Variants in TTLL5 observed in about 807,000 individuals in gnomAD.
The protein encoded by TTLL5 is tubulin tyrosine ligase like 5, also known as tubulin polyglutamylase TTLL5.
A neutral mutation model predicts 168.4 loss-of-function variants in TTLL5; 132 were observed. The observed-to-expected ratio is 0.78, with a 90% CI of 0.68 to 0.91. The LOEUF (loss-of-function observed/expected upper bound fraction) is 0.91. Ranked by LOEUF, TTLL5 falls within the 40% of genes least tolerant of loss-of-function variation. The probability of loss-of-function intolerance (pLI) is 0.00; values close to 1 mark genes in which losing one functional copy is unlikely to be tolerated. For synonymous variants in TTLL5, 546 were observed against 558.6 expected (o/e 0.98, Z 0.32); for missense variants, 1,545 against 1,581.5 (o/e 0.98, Z 0.39).
intron 3 of TTLL5, among the ~76,000 whole-genome samples, chr14:75,670,007 G>A (rs2140092133): frequency 6.6e-6 from 1 of 152,194 alleles, no homozygotes; most frequent in Non-Finnish European, 1.5e-5. Flanking sequence ...GGAGTCATGT[G>A]ATATGTGACC....
chr14:75,750,956 C>A (rs1026858607), intron 17 of TTLL5, among the ~76,000 whole-genome samples: 1 of 152,234 alleles, frequency 6.6e-6, no homozygotes, highest in East Asian at 1.9e-4. Context: ...GTGAGGTGAA[C>A]GCCATAGGCA....
intron 6 of TTLL5, among the ~76,000 whole-genome samples, chr14:75,694,187 T>C (rs1885659933): frequency 6.6e-6 from 1 of 152,228 alleles, no homozygotes; most frequent in Non-Finnish European, 1.5e-5. Flanking sequence ...TCTTGCTTCC[T>C]ACCCACACAT....
chr14:75,892,341 G>A (rs552099761), intron 30 of TTLL5, among the ~76,000 whole-genome samples: 16 of 152,302 alleles, frequency 1.1e-4, no homozygotes, highest in South Asian at 4.1e-4. Context: ...CAAAATAAAC[G>A]AGAATCAATG....
intron 28 of TTLL5, among the ~76,000 whole-genome samples, chr14:75,856,625 C>CTTTTTT: frequency 1.0e-5 from 1 of 97,272 alleles, no homozygotes; most frequent in African/African-American, 3.8e-5. Flanking sequence ...AGTTGTATTG[C>CTTTTTT]TTTTTTTTTT....
At chr14:75,731,374 T>TACAC (rs3031047) in intron 12 of TTLL5, among the ~76,000 whole-genome samples, 2,386 of 139,256 alleles carry the variant, frequency 0.017, 31 homozygotes, top group Middle Eastern at 0.057. Context: ...TACACATACA[T>TACAC]ACACACACAC....
chr14:75,825,646 C>CA (rs1895078016), intron 28 of TTLL5, among the ~76,000 whole-genome samples: 1 of 152,052 alleles, frequency 6.6e-6, no homozygotes, highest in South Asian at 2.1e-4. Context: ...AGAGCACAAT[C>CA]AAAGAGAAAC....
intron 10 of TTLL5, 56 bp from the exon 11 acceptor site, chr14:75,719,679 G>T: frequency 6.9e-7 from 1 of 1,451,212 alleles, no homozygotes; most frequent in Admixed American, 2.4e-5. Flanking sequence ...AAAGAGTCTT[G>T]TTATTATAGC....
chr14:75,683,626 C>T lies in TTLL5; in HGVS notation c.341C>T (p.Ser114Phe). Residue 114 changes from serine to phenylalanine, a missense_variant, in exon 5 of 32, where the codon TCT becomes TTT. Transcript: ENST00000298832. ...AAGCCCTTCTTACTGCGCACCCTCT[C>T]TGAAGCACAAAAAGTTAATCACTTT... is the stretch of plus-strand genomic sequence containing the variant. ...HLKPFLLRTL[S>F]EAQKVNHFPR... The T allele has an allele frequency of 4.3e-6, 7 of 1,614,016 alleles. No homozygotes were observed. Among genetic ancestry groups the T allele is most frequent in the Non-Finnish European group, 4.2e-6 (5 of 1,179,926 alleles).
At chr14:75,928,592 G>A (rs1595287824) in intron 31 of TTLL5, among the ~76,000 whole-genome samples, 1 of 151,638 alleles carries the variant, frequency 6.6e-6, no homozygotes, top group Non-Finnish European at 1.5e-5. Flanking sequence ...AGCATTCTAC[G>A]ATGCTTATTA....
chr14:75,745,675 G>T, intron 17 of TTLL5, 94 bp downstream of exon 17: 1 of 950,648 alleles, frequency 1.1e-6, no homozygotes, highest in South Asian at 1.6e-5. Flanking sequence ...CCCCGATGAT[G>T]CTTTTCTTAT....
rs923308927 is a variant in TTLL5 at position 75,798,615 on chromosome 14, G to A, written c.3171+5515G>A. ...TAGGCATTTAAAGCTATGAACTTTC[G>A]TCTTAGCACCGCTTTTGCTGTATCC... On this transcript the variant is annotated intron_variant, in intron 27 of 31. Transcript: ENST00000298832. Among the ~76,000 whole-genome samples, 8 of 151,880 alleles carry A rather than the reference G, an allele frequency of 5.3e-5. No homozygotes were observed. In the South Asian group the frequency reaches 6.2e-4, roughly 12 times the overall value.
Position 75,882,793 on chromosome 14 carries a change from C to T in TTLL5, c.3631C>T (p.Leu1211=), listed in dbSNP as rs779153789. Residue 1211 remains leucine (L), a synonymous_variant, in exon 30 of 32, where the codon CTG becomes TTG. Transcript: ENST00000298832. ...ATASGQKPTT[L]PQKVVPPPSS... is the part of the protein sequence containing the mutation. ...AGCTAGTGGCCAGAAGCCAACCACT[C>T]TGCCACAAAAAGTGGTACCACCTCC... is the stretch of plus-strand genomic sequence containing the variant. 3.6e-5 allele frequency: 58 copies of T among 1,613,982 alleles called. No individual in the cohort carries two copies. The highest frequency in any genetic ancestry group is 4.9e-5 in the Non-Finnish European group (58 of 1,180,002).
intron 15 of TTLL5, among the ~76,000 whole-genome samples, chr14:75,742,004 A>G (rs1566584071): frequency 6.6e-6 from 1 of 152,178 alleles, no homozygotes; most frequent in Non-Finnish European, 1.5e-5. Context: ...ACCATTAAAA[A>G]CAATACCCAG....
chr14:75,917,568 G>A (rs2033664016), intron 31 of TTLL5, among the ~76,000 whole-genome samples: 1 of 152,206 alleles, frequency 6.6e-6, no homozygotes, highest in Admixed American at 6.5e-5. Context: ...GTGTAGTTTA[G>A]GCTGGCTGTC....
chr14:75,719,223 G>T (rs750217180), intron 10 of TTLL5, among the ~76,000 whole-genome samples: 3 of 152,186 alleles, frequency 2.0e-5, no homozygotes, highest in Non-Finnish European at 4.4e-5. Flanking sequence ...CATATCTACT[G>T]CCAAAGAGGA....
intron 26 of TTLL5, among the ~76,000 whole-genome samples, chr14:75,788,775 TACAA>T (rs1892526444): frequency 6.6e-6 from 1 of 152,144 alleles, no homozygotes; most frequent in Non-Finnish European, 1.5e-5. Flanking sequence ...ATCTTAATAA[TACAA>T]ACAGTTAAGG....
chr14:75,752,894 T>G lies in TTLL5; in HGVS notation c.1489T>G (p.Ser497Ala). 6.2e-7 allele frequency: 1 copy of G among 1,613,392 alleles called. No individual in the cohort carries two copies. The highest frequency in any genetic ancestry group is 8.5e-7 in the Non-Finnish European group (1 of 1,179,644). The change falls in exon 18 of 32, where the codon TCC becomes GCC. Residue 497 changes from serine to alanine, a missense_variant and splice_region_variant. Physicochemically the swap from Ser to Ala is moderately conservative, Grantham distance 99 (BLOSUM62 1). Coordinates refer to ENST00000298832, the MANE Select transcript of TTLL5 (RefSeq NM_015072.5). Reference sequence around the variant, plus strand: ...CCAGTTTCTTTCTTTGCTTTTCAGGTCCTACCTCGAGCATAAGACCTCAAT... The same window carrying G: ...CCAGTTTCTTTCTTTGCTTTTCAGGGCCTACCTCGAGCATAAGACCTCAAT... ...PTSETWEIYGSYLEHKTSMNY... is the reference protein window; with the variant it reads ...PTSETWEIYGAYLEHKTSMNY...
chr14:75,740,577 T>G (rs905472181), intron 15 of TTLL5, among the ~76,000 whole-genome samples: 1 of 152,146 alleles, frequency 6.6e-6, no homozygotes, highest in Non-Finnish European at 1.5e-5. Flanking sequence ...TATTCCAAAT[T>G]TCTAGATGCT....
intron 27 of TTLL5, among the ~76,000 whole-genome samples, chr14:75,797,504 G>T (rs1683535173): frequency 6.6e-6 from 1 of 152,078 alleles, no homozygotes; most frequent in African/African-American, 2.4e-5. Flanking sequence ...TTTTCAAGGG[G>T]AATATATTCA....
Sources: allele counts gnomAD v4.1 joint callset (sites outside exome capture counted in the v4.1 genomes callset), GRCh38; gene constraint gnomAD v4.1.1; transcripts MANE v1.5; gene names NCBI Gene and HGNC (gene_info 2026-07-23, HGNC 2026-07-21).